Variants in DRC9 observed in about 807,000 individuals in gnomAD.
DRC9 encodes the protein dynein regulatory complex subunit 9.
the DRC9 span, among the ~76,000 whole-genome samples, chr3:197,920,805 G>A: frequency 1.3e-5 from 2 of 151,878 alleles, no homozygotes; most frequent in Non-Finnish European, 2.9e-5. Flanking sequence ...ATCTTGCTTT[G>A]GATGTTGATG....
chr3:197,938,078 G>A, the DRC9 span, among the ~76,000 whole-genome samples: 1 of 152,082 alleles, frequency 6.6e-6, no homozygotes, highest in African/African-American at 2.4e-5. Flanking sequence ...CACTTTGGGA[G>A]GCCGAGGCGG....
chr3:197,907,912 C>A, the DRC9 span, among the ~76,000 whole-genome samples: 8 of 139,746 alleles, frequency 5.7e-5, no homozygotes, highest in African/African-American at 1.6e-4. Context: ...TGAAGAGTGA[C>A]CCCTTTCCCA....
the DRC9 span, chr3:197,958,631 G>A: frequency 1.3e-5 from 2 of 152,252 alleles, no homozygotes; most frequent in African/African-American, 4.8e-5. Context: ...CACACGGTAA[G>A]TGGTAGGCAT....
chr3:197,936,767 A>G, the DRC9 span, among the ~76,000 whole-genome samples: 1 of 152,196 alleles, frequency 6.6e-6, no homozygotes, highest in African/African-American at 2.4e-5. Flanking sequence ...ATGGAATATA[A>G]ATCTAAAACT....
At chr3:197,953,114 A>G in the DRC9 span, among the ~76,000 whole-genome samples, 3 of 152,360 alleles carry the variant, frequency 2.0e-5, no homozygotes, top group East Asian at 5.8e-4. Context: ...AGCCTGGACA[A>G]CAAGAGCAAA....
At chr3:197,932,296 A>G in the DRC9 span, 1 of 1,610,104 alleles carries the variant, frequency 6.2e-7, no homozygotes, top group Non-Finnish European at 8.5e-7. Context: ...CATCGCTGAA[A>G]AACTGCCTGT....
chr3:197,907,826 G>A, the DRC9 span, among the ~76,000 whole-genome samples: 394 of 150,714 alleles, frequency 2.6e-3, 3 homozygotes, highest in African/African-American at 9.1e-3. Flanking sequence ...AGGGGTGACT[G>A]TACCAGGTCT....
At chr3:197,918,818 T>C in the DRC9 span, among the ~76,000 whole-genome samples, 2 of 152,138 alleles carry the variant, frequency 1.3e-5, no homozygotes, top group African/African-American at 4.8e-5. Flanking sequence ...TTTTTATTGT[T>C]GTTGTTTTAG....
At chr3:197,913,357 C>CGTGCGTGCGTGGGTGCGTGCGTGCGTGT in the DRC9 span, 1 of 223,594 alleles carries the variant, frequency 4.5e-6, no homozygotes, top group Non-Finnish European at 8.5e-6. Context: ...TGTGTGCGTG[C>CGTGCGTGCGTGGGTGCGTGCGTGCGTGT]GTGCGTGTGT....
chr3:197,950,180 G>C, the DRC9 span: 2 of 1,231,602 alleles, frequency 1.6e-6, no homozygotes, highest in Non-Finnish European at 2.0e-6. Flanking sequence ...CCACGCGGCG[G>C]GGCCTCGTCC....
the DRC9 span, among the ~76,000 whole-genome samples, chr3:197,902,793 A>C: frequency 2.6e-5 from 4 of 152,208 alleles, no homozygotes; most frequent in Non-Finnish European, 4.4e-5. Context: ...ACTCCCTATC[A>C]AAATACCAAT....
chr3:197,893,924 G>A, the DRC9 span, among the ~76,000 whole-genome samples: 4 of 152,232 alleles, frequency 2.6e-5, no homozygotes, highest in African/African-American at 9.6e-5. Flanking sequence ...GCATTCAAAT[G>A]TAAAGGAAAG....
chr3:197,935,452 AG>A, the DRC9 span, among the ~76,000 whole-genome samples: 50 of 87,746 alleles, frequency 5.7e-4, 2 homozygotes, highest in African/African-American at 3.6e-3. Context: ...AAAAAAAAAA[AG>A]AAAAGAAAAG....
the DRC9 span, among the ~76,000 whole-genome samples, chr3:197,954,985 T>C: frequency 2.0e-5 from 3 of 152,224 alleles, no homozygotes; most frequent in African/African-American, 7.2e-5. Flanking sequence ...CAGACTCTCA[T>C]GTTCCTAGGT....
At chr3:197,959,986 C>A in the DRC9 span, 4 of 554,744 alleles carry the variant, frequency 7.2e-6, no homozygotes, top group African/African-American at 1.9e-5. Context: ...ACGGCCAACG[C>A]CCGCTAGCCT....
the DRC9 span, among the ~76,000 whole-genome samples, chr3:197,909,533 T>A: frequency 1.3e-5 from 2 of 152,214 alleles, no homozygotes; most frequent in Non-Finnish European, 2.9e-5. Flanking sequence ...GGAAACAACC[T>A]AAATCTACTG....
At chr3:197,951,086 G>C in the DRC9 span, 1 of 1,606,232 alleles carries the variant, frequency 6.2e-7, no homozygotes, top group Non-Finnish European at 8.5e-7. Context: ...AGTAACTTTT[G>C]GGTGGGGGTG....
At chr3:197,904,110 A>ATACATACATATATATATATATATAT in the DRC9 span, among the ~76,000 whole-genome samples, 4 of 80,786 alleles carry the variant, frequency 5.0e-5, no homozygotes, top group East Asian at 2.7e-4. Flanking sequence ...ATATATATAT[A>ATACATACATATATATATATATATAT]TTTTTTTTTT....
At chr3:197,928,387 C>T in the DRC9 span, among the ~76,000 whole-genome samples, 4 of 137,994 alleles carry the variant, frequency 2.9e-5, no homozygotes, top group African/African-American at 5.4e-5. Context: ...CTTGTTGTGT[C>T]GCCCAGCCTA....
Sources: gnomAD v4.1 joint callset for allele counts (sites outside exome capture counted in the v4.1 genomes callset) on GRCh38, gnomAD v4.1.1 for gene constraint, MANE v1.5 for transcripts, NCBI Gene and HGNC (gene_info 2026-07-23, HGNC 2026-07-21) for gene names.